GSG1L2: variants seen among roughly 807,000 people sequenced by gnomAD.
GSG1L2 encodes the protein GSG1 like 2, also known as germ cell-specific gene 1-like protein 2.
A neutral mutation model predicts 9.0 loss-of-function variants in GSG1L2; 15 were observed. The ratio of observed to expected loss-of-function variants is 1.67; its 90% CI spans 1.12 to 2.57. GSG1L2 has a LOEUF of 2.57. Among genes scored for constraint, GSG1L2 ranks in the 30% most tolerant of loss-of-function variants. The pLI, the probability that GSG1L2 is intolerant of heterozygous loss-of-function variation, is 0.00. For synonymous variants in GSG1L2, 127 were observed against 57.9 expected, an observed-to-expected ratio of 2.19 and a Z score of -5.41; for missense variants, 286 against 150.3, an observed-to-expected ratio of 1.90 and a Z score of -4.72.
intron 2 of GSG1L2, chr17:9,809,270 T>C (rs575558216): frequency 7.4e-6 from 3 of 406,656 alleles, no homozygotes; most frequent in East Asian, 5.5e-5. Flanking sequence ...GGGGTCTCCA[T>C]GCCCTAGCTC....
In GSG1L2 at chr17:9,800,786, A is replaced by T. The variant is rs975830391; in HGVS notation, c.*1600T>A. ...CTGCCTACATGAATACATAGGGATG[A>T]AAAACCATATGAAAGAACCTGCACA... On this transcript the variant is annotated 3_prime_UTR_variant, in exon 5 of 5. Coordinates refer to ENST00000399363, the MANE Select transcript of GSG1L2 (RefSeq NM_001310219.2). Among the ~76,000 whole-genome samples the T allele has an allele frequency of 6.6e-6, 1 of 152,212 alleles. No homozygotes were observed. Among genetic ancestry groups the T allele is most frequent in the South Asian group, 2.1e-4 (1 of 4,834 alleles).
chr17:9,810,432 G>A (rs2066534699), intron 2 of GSG1L2, 139 bp downstream of exon 2: 1 of 636,612 alleles, frequency 1.6e-6, no homozygotes, highest in African/African-American at 1.8e-5. Context: ...AAGAGAGCCT[G>A]TGGTTCTAGC....
At chr17:9,814,348 A>G (rs545798671) in intron 1 of GSG1L2, among the ~76,000 whole-genome samples, 3 of 152,346 alleles carry the variant, frequency 2.0e-5, no homozygotes, top group African/African-American at 7.2e-5. Flanking sequence ...ATTAAAAACC[A>G]GAGTTTCTCA....
At chr17:9,817,503 C>T (rs1356033185) in intron 1 of GSG1L2, among the ~76,000 whole-genome samples, 2 of 151,312 alleles carry the variant, frequency 1.3e-5, no homozygotes, top group South Asian at 2.1e-4. Flanking sequence ...TGGATCACTG[C>T]AACCCCCGCC....
chr17:9,808,182 T>C (rs868685517), intron 3 of GSG1L2, among the ~76,000 whole-genome samples: 17 of 152,116 alleles, frequency 1.1e-4, no homozygotes, highest in Admixed American at 1.1e-3. Flanking sequence ...ACTTTTCATA[T>C]CCAGTTTGAG....
At chr17:9,816,983 C>A (rs1166200472) in intron 1 of GSG1L2, among the ~76,000 whole-genome samples, 1 of 146,050 alleles carries the variant, frequency 6.8e-6, no homozygotes, top group African/African-American at 2.6e-5. Flanking sequence ...AAGGGGACTT[C>A]CTCTAGAGGA....
chr17:9,806,597 A>G (rs986774128), intron 4 of GSG1L2, among the ~76,000 whole-genome samples: 2 of 152,244 alleles, frequency 1.3e-5, no homozygotes, highest in East Asian at 1.9e-4. Flanking sequence ...GCTTCTATCC[A>G]TAGCAAAAGG....
Position 9,802,396 on chromosome 17 carries a change from G to C in GSG1L2, c.872C>G (p.Ser291Cys). ...HLPPGAPGKV[S>C]IC is the part of the protein sequence containing the mutation. ...AGCCATGGACACTGGCTAGCATATGGACACCTTGCCTGGGGCGCCTGGTGG... is the reference window on the plus strand; with the variant it reads ...AGCCATGGACACTGGCTAGCATATGCACACCTTGCCTGGGGCGCCTGGTGG... The change falls in exon 5 of 5, where the codon TCC (serine) becomes TGC (cysteine). Residue 291 changes from serine to cysteine, a missense_variant. Physicochemically the swap from Ser to Cys is moderately radical, Grantham distance 112 (BLOSUM62 -1). Coordinates refer to ENST00000399363, the MANE Select transcript of GSG1L2 (RefSeq NM_001310219.2). 1 of 665,450 alleles carries C rather than the reference G, an allele frequency of 1.5e-6. No homozygotes were observed. The highest frequency in any genetic ancestry group is 2.7e-6 in the Non-Finnish European group (1 of 365,800). The allele number at this position is 665,450 out of a possible 1,614,324, so 41.2% of individuals were successfully genotyped here.
At chr17:9,816,958 G>T (rs1447781566) in intron 1 of GSG1L2, among the ~76,000 whole-genome samples, 17 of 148,556 alleles carry the variant, frequency 1.1e-4, no homozygotes, top group Admixed American at 1.1e-3. Flanking sequence ...CACTCTGTGG[G>T]TTTGCAGAAG....
chr17:9,800,743 G>A lies in GSG1L2; in HGVS notation c.*1643C>T, dbSNP rs1427787767. ...TAAGATGAGACTTTGACCTGATATC[G>A]TGACAGTCACACAGGACCTGCCTAC... On this transcript the variant is annotated 3_prime_UTR_variant, in exon 5 of 5. Transcript: ENST00000399363. 6.6e-6 allele frequency among the ~76,000 whole-genome samples: 1 copy of A among 152,124 alleles called. No homozygotes were observed. Among genetic ancestry groups the A allele is most frequent in the Non-Finnish European group, 1.5e-5 (1 of 68,034 alleles).
At position 9,802,600 on chromosome 17, in the gene GSG1L2, G is replaced by T. The variant is rs778342420; in HGVS notation, c.668C>A (p.Ser223Ter). ...SFALCLAVSV[S>*]AMSRFTAARL... The stretch of plus-strand genomic sequence containing the variant: ...GGCTGCCGTGAACCTGCTCATGGCC[G>T]AGACCGACACAGCCAGGCAGAGGGC... Residue 223 changes from serine to a stop codon, truncating the protein, a stop_gained, in exon 5 of 5, where the codon TCG becomes TAG. Coordinates refer to ENST00000399363, the MANE Select transcript of GSG1L2 (RefSeq NM_001310219.2). LOFTEE classifies it low-confidence loss of function (END_TRUNC). The T allele has an allele frequency of 2.8e-6, 2 of 702,914 alleles. No homozygotes were observed. Among genetic ancestry groups the T allele is most frequent in the Non-Finnish European group, 5.2e-6 (2 of 384,998 alleles). The allele number at this position is 702,914 out of a possible 1,614,324, so 43.5% of individuals were successfully genotyped here.
chr17:9,821,232 A>T (rs1481075867), intron 1 of GSG1L2, among the ~76,000 whole-genome samples: 1 of 152,176 alleles, frequency 6.6e-6, no homozygotes, highest in Non-Finnish European at 1.5e-5. Flanking sequence ...AATATGGAAG[A>T]GTCAAATTCC....
Position 9,821,827 on chromosome 17 carries a change from T to C in GSG1L2, c.245A>G (p.Lys82Arg). Residue 82 changes from lysine to arginine, a missense_variant, in exon 1 of 5, where the codon AAG (lysine) becomes AGG (arginine). Coordinates refer to ENST00000399363, the MANE Select transcript of GSG1L2 (RefSeq NM_001310219.2). ...VLYIWELGDD[K>R]FIQRGFHVGL... ...CACATGGAACCCCCGCTGAATGAACTTGTCATCACCCAGCTCCCAAATGTA... is the reference window on the plus strand; with the variant it reads ...CACATGGAACCCCCGCTGAATGAACCTGTCATCACCCAGCTCCCAAATGTA... 1 of 703,526 alleles carries C rather than the reference T, an allele frequency of 1.4e-6. No individual in the cohort carries two copies. Among genetic ancestry groups the C allele is most frequent in the Non-Finnish European group, 2.6e-6 (1 of 385,108 alleles). The allele number at this position is 703,526 out of a possible 1,614,324, so 43.6% of individuals were successfully genotyped here.
chr17:9,813,342 T>C (rs762083949), intron 1 of GSG1L2, among the ~76,000 whole-genome samples: 2 of 152,212 alleles, frequency 1.3e-5, no homozygotes, highest in Non-Finnish European at 2.9e-5. Flanking sequence ...GGATGTTTTC[T>C]GACTCGAATG....
chr17:9,817,427 C>CTT (rs11334803), intron 1 of GSG1L2, among the ~76,000 whole-genome samples: 1 of 137,768 alleles, frequency 7.3e-6, no homozygotes, highest in Admixed American at 7.2e-5. Context: ...TCCAACGAGG[C>CTT]TTTTTTTTTT....
At chr17:9,821,133 C>T (rs1412774810) in intron 1 of GSG1L2, among the ~76,000 whole-genome samples, 2 of 152,216 alleles carry the variant, frequency 1.3e-5, no homozygotes, top group African/African-American at 4.8e-5. Flanking sequence ...TGGGAGGATT[C>T]CTCCTTTTTC....
intron 1 of GSG1L2, among the ~76,000 whole-genome samples, chr17:9,812,678 G>A (rs1306173721): frequency 6.6e-6 from 1 of 152,132 alleles, no homozygotes; most frequent in Non-Finnish European, 1.5e-5. Context: ...AGGCTGGAGT[G>A]CAGTGGATCA....
At chr17:9,809,744 C>T (rs2066532185) in intron 2 of GSG1L2, 2 of 152,318 alleles carry the variant, frequency 1.3e-5, no homozygotes, top group Non-Finnish European at 1.5e-5. Flanking sequence ...TTACAAACCT[C>T]TTGTAAGACA....
chr17:9,804,006 T>C (rs2066507903), intron 4 of GSG1L2: 1 of 152,256 alleles, frequency 6.6e-6, no homozygotes, highest in Admixed American at 6.5e-5. Context: ...TAGGTGATTA[T>C]TTTGGTTTAA....
Sources: gnomAD v4.1 joint callset for allele counts (sites outside exome capture counted in the v4.1 genomes callset) on GRCh38, gnomAD v4.1.1 for gene constraint, MANE v1.5 for transcripts, NCBI Gene and HGNC (gene_info 2026-07-23, HGNC 2026-07-21) for gene names.